The following KALRN variants were observed in gnomAD, a reference collection of about 807,000 sequenced individuals.
KALRN encodes kalirin.
Under a neutral mutation model 353.7 loss-of-function variants are expected in KALRN, and 70 were observed. That is an observed-to-expected ratio of 0.20 (90% CI 0.16 to 0.24). KALRN has a LOEUF of 0.24. Among genes scored for constraint, KALRN ranks in the 10% least tolerant of loss-of-function variants. The probability of loss-of-function intolerance (pLI) is 1.00; values close to 1 mark genes in which losing one functional copy is unlikely to be tolerated. For missense variants in KALRN, 2,791 were observed against 3,756.7 expected (o/e 0.74, Z 6.72); for synonymous variants, 1,391 against 1,434.8 (o/e 0.97, Z 0.69).
chr3:124,621,337 G>T (rs2079246819), intron 34 of KALRN, among the ~76,000 whole-genome samples: 1 of 152,200 alleles, frequency 6.6e-6, no homozygotes, highest in African/African-American at 2.4e-5. Context: ...CAGTTGTACA[G>T]AATTTATAAA....
intron 1 of KALRN, chr3:124,153,148 G>T: frequency 6.8e-6 from 1 of 147,540 alleles, no homozygotes; most frequent in Non-Finnish European, 1.5e-5. Flanking sequence ...TTAAGTTTTA[G>T]GGTACATGTG....
intron 47 of KALRN, among the ~76,000 whole-genome samples, chr3:124,670,221 T>G (rs768056217): frequency 6.6e-6 from 1 of 152,234 alleles, no homozygotes; most frequent in Non-Finnish European, 1.5e-5. Flanking sequence ...TGGCCTCAAG[T>G]GATCCACCCG....
intron 33 of KALRN, among the ~76,000 whole-genome samples, chr3:124,508,799 T>C (rs2065531130): frequency 6.6e-6 from 1 of 152,254 alleles, no homozygotes; most frequent in African/African-American, 2.4e-5. Flanking sequence ...TCCATTGCTC[T>C]ATATCCTCAC....
intron 2 of KALRN, among the ~76,000 whole-genome samples, chr3:124,234,143 T>A (rs2148568958): frequency 6.6e-6 from 1 of 152,346 alleles, no homozygotes; most frequent in South Asian, 2.1e-4. Context: ...ACACTTGTAA[T>A]CTCAGTATGT....
intron 48 of KALRN, among the ~76,000 whole-genome samples, chr3:124,673,522 A>T (rs968359447): frequency 6.6e-6 from 1 of 151,116 alleles, no homozygotes; most frequent in Non-Finnish European, 1.5e-5. Context: ...ATACATATAG[A>T]ATATATATGT....
Position 124,430,833 on chromosome 3 carries a change from G to A in KALRN, c.2829+58G>A. ...TTCGCCTTTCTGCTCTGTACCTCAG[G>A]CAGGGTGATTCTCAGGTGTGGGTGT... On this transcript the variant is annotated intron_variant, in intron 16 of 59. Transcript: ENST00000682506. 3.2e-6 allele frequency: 5 copies of A among 1,562,980 alleles called. 1 individual carries two copies. In the South Asian group the frequency reaches 4.8e-5, roughly 15 times the overall value.
intron 1 of KALRN, among the ~76,000 whole-genome samples, chr3:124,089,137 A>G (rs569912841): frequency 6.6e-6 from 1 of 152,366 alleles, no homozygotes; most frequent in East Asian, 1.9e-4. Context: ...TTTAGCATTT[A>G]TTTGACAATA....
At chr3:124,567,661 G>A (rs552985452) in intron 34 of KALRN, among the ~76,000 whole-genome samples, 1 of 152,260 alleles carries the variant, frequency 6.6e-6, no homozygotes, top group African/African-American at 2.4e-5. Flanking sequence ...GCAAGCCTTT[G>A]TAGCAGTGGT....
intron 1 of KALRN, among the ~76,000 whole-genome samples, chr3:124,118,456 A>G (rs2063663503): frequency 6.6e-6 from 1 of 151,818 alleles, no homozygotes; most frequent in South Asian, 2.1e-4. Context: ...GGAGACTGCA[A>G]AGATATACAT....
chr3:124,050,637 T>A (rs2040939501), intron 1 of KALRN, among the ~76,000 whole-genome samples: 1 of 152,160 alleles, frequency 6.6e-6, no homozygotes, highest in Non-Finnish European at 1.5e-5. Flanking sequence ...TGGTATCCGA[T>A]CTAGACTGAA....
chr3:124,159,737 A>G (rs1475501995), intron 1 of KALRN, among the ~76,000 whole-genome samples: 1 of 152,186 alleles, frequency 6.6e-6, no homozygotes, highest in African/African-American at 2.4e-5. Flanking sequence ...TGAGATGAAC[A>G]CATGCTATTT....
chr3:124,083,724 A>G (rs1444524537), intron 1 of KALRN, among the ~76,000 whole-genome samples: 1 of 152,224 alleles, frequency 6.6e-6, no homozygotes, highest in Non-Finnish European at 1.5e-5. Context: ...AGTGGTGACA[A>G]AACAATTACT....
intron 25 of KALRN, among the ~76,000 whole-genome samples, chr3:124,467,976 A>T (rs1192514613): frequency 1.3e-5 from 2 of 151,912 alleles, no homozygotes; most frequent in Non-Finnish European, 2.9e-5. Context: ...GCAGGTAGGT[A>T]GGTAGGTAGA....
At chr3:124,396,885 C>A (rs894896221) in intron 12 of KALRN, among the ~76,000 whole-genome samples, 1 of 152,156 alleles carries the variant, frequency 6.6e-6, no homozygotes, top group African/African-American at 2.4e-5. Flanking sequence ...CTGACTCTAG[C>A]CTAGGCTCCC....
At chr3:124,286,077 TC>T (rs1444527768) in intron 5 of KALRN, among the ~76,000 whole-genome samples, 2 of 113,206 alleles carry the variant, frequency 1.8e-5, no homozygotes, top group Non-Finnish European at 3.7e-5. Flanking sequence ...TTTCTTTCTT[TC>T]CTTCCTTTCT....
chr3:124,674,331 GT>G, intron 48 of KALRN, 32 bp from the exon 49 acceptor site: 1 of 1,593,174 alleles, frequency 6.3e-7, no homozygotes, highest in Non-Finnish European at 8.6e-7. Context: ...GCGTCCTTGT[GT>G]TTGTGCCCCT....
chr3:124,176,371 C>T (rs1326795192), intron 1 of KALRN, among the ~76,000 whole-genome samples: 1 of 152,154 alleles, frequency 6.6e-6, no homozygotes, highest in African/African-American at 2.4e-5. Flanking sequence ...CATGGTGATA[C>T]GTTTTTGGTG....
rs397876079 is a variant in KALRN at position 124,437,689 on chromosome 3, C to CAAAAAAAAA, written c.3049-1181_3049-1173dup. On this transcript the variant is annotated intron_variant, in intron 17 of 59. Transcript: ENST00000682506. ...TGGGTGAAAAAGCTAGATTCCGTCT[C>CAAAAAAAAA]AAAAAAAAAAAAAAAAAAAAAAAAA... Among the ~76,000 whole-genome samples, 25 of 48,334 alleles carry CAAAAAAAAA rather than the reference C, an allele frequency of 5.2e-4. 1 individual carries two copies. In the East Asian group the frequency reaches 0.014, roughly 27 times the overall value. The allele number at this position is 48,334 out of a possible 152,430, so 31.7% of individuals were successfully genotyped here. A position where few individuals can be genotyped will look rare whatever the true frequency, so the allele number is the denominator to read the frequency against.
intron 1 of KALRN, among the ~76,000 whole-genome samples, chr3:124,179,444 CA>C (rs1386976915): frequency 3.9e-5 from 6 of 152,212 alleles, no homozygotes; most frequent in Non-Finnish European, 7.3e-5. Flanking sequence ...CCTATGGTAA[CA>C]ATGCTTCCAT....
Sources: allele counts gnomAD v4.1 joint callset (sites outside exome capture counted in the v4.1 genomes callset), GRCh38; gene constraint gnomAD v4.1.1; transcripts MANE v1.5; gene names NCBI Gene and HGNC (gene_info 2026-07-23, HGNC 2026-07-21).